Variants in KAZN observed in about 807,000 individuals in gnomAD.
KAZN encodes the protein kazrin, periplakin interacting protein.
A neutral mutation model predicts 87.4 loss-of-function variants in KAZN; 40 were observed. That is an observed-to-expected ratio of 0.46 (90% confidence interval 0.36 to 0.60). KAZN has a LOEUF of 0.60. Among genes scored for constraint, KAZN ranks in the 20% least tolerant of loss-of-function variants. The probability of loss-of-function intolerance (pLI) is 0.00; values close to 1 mark genes in which losing one functional copy is unlikely to be tolerated. For missense variants in KAZN, 898 were observed against 1,073.9 expected (o/e 0.84, Z 2.29); for synonymous variants, 466 against 458.3 (o/e 1.02, Z -0.22).
intron 1 of KAZN, among the ~76,000 whole-genome samples, chr1:14,024,231 C>A (rs930927941): frequency 2.6e-5 from 4 of 152,164 alleles, no homozygotes; most frequent in Non-Finnish European, 5.9e-5. Context: ...GGAGGCAACC[C>A]AAATGCCTGA....
intron 2 of KAZN, among the ~76,000 whole-genome samples, chr1:14,378,051 ATTTG>A (rs1187019016): frequency 6.6e-6 from 1 of 152,142 alleles, no homozygotes; most frequent in Non-Finnish European, 1.5e-5. Context: ...TTTTTCATGT[ATTTG>A]TTTATTAATT....
At chr1:14,540,962 T>A (rs1381731422) in intron 2 of KAZN, among the ~76,000 whole-genome samples, 1 of 152,158 alleles carries the variant, frequency 6.6e-6, no homozygotes, top group Non-Finnish European at 1.5e-5. Flanking sequence ...AATAATTAGA[T>A]GAACAAGGAC....
intron 1 of KAZN, among the ~76,000 whole-genome samples, chr1:13,907,629 G>A (rs1639495009): frequency 6.6e-6 from 1 of 152,152 alleles, no homozygotes; most frequent in Admixed American, 6.5e-5. Context: ...CCAGTCCCTG[G>A]AGCCACTGAT....
intron 1 of KAZN, among the ~76,000 whole-genome samples, chr1:14,751,500 A>G (rs1284027237): frequency 6.6e-6 from 1 of 152,218 alleles, no homozygotes; most frequent in East Asian, 1.9e-4. Flanking sequence ...ACACCCTGAC[A>G]AGGTAGGCAC....
At chr1:14,720,049 C>T (rs1425813247) in intron 1 of KAZN, among the ~76,000 whole-genome samples, 8 of 151,638 alleles carry the variant, frequency 5.3e-5, no homozygotes, top group Admixed American at 5.3e-4. Context: ...GTAGATGACA[C>T]AGCTAATGCT....
At chr1:15,079,903 G>C (rs1010110208) in intron 8 of KAZN, among the ~76,000 whole-genome samples, 1 of 152,230 alleles carries the variant, frequency 6.6e-6, no homozygotes, top group East Asian at 1.9e-4. Flanking sequence ...TTGATGTATA[G>C]ATATATATGT....
intron 2 of KAZN, among the ~76,000 whole-genome samples, chr1:14,239,765 G>C (rs1297084715): frequency 6.6e-6 from 1 of 151,952 alleles, no homozygotes; most frequent in Non-Finnish European, 1.5e-5. Context: ...CAGCAAGTTG[G>C]GGTTCTATAG....
chr1:14,342,991 A>G (rs950494964), intron 2 of KAZN, among the ~76,000 whole-genome samples: 1 of 152,098 alleles, frequency 6.6e-6, no homozygotes, highest in African/African-American at 2.4e-5. Flanking sequence ...AAATATAAAA[A>G]TTAGCCTGGC....
At chr1:14,907,520 G>T (rs549739963) in intron 1 of KAZN, among the ~76,000 whole-genome samples, 1 of 152,024 alleles carries the variant, frequency 6.6e-6, no homozygotes, top group African/African-American at 2.4e-5. Flanking sequence ...AGCTTGAGAC[G>T]CCTTCTGAAA....
rs544277366 is a variant in KAZN, at chr1:14,820,998, C to T, written c.227-139686C>T. 2.0e-5 allele frequency among the ~76,000 whole-genome samples: 3 copies of T among 152,002 alleles called. No homozygotes were observed. The highest frequency in any genetic ancestry group is 4.8e-5 in the African/African-American group (2 of 41,358). On this transcript the variant is annotated intron_variant, in intron 1 of 14. Coordinates refer to ENST00000376030, the MANE Select transcript of KAZN (RefSeq NM_201628.3). This position sits in a 1 kb window ranked among gnomAD's most constrained non-coding sequence, Gnocchi z 4.1. Reference sequence around the variant, plus strand: ...GATGGATTGTCGGGAGAAACGGGAGCGTGTGAGGAATTGAAAAGGAGGCAA... The same window carrying T: ...GATGGATTGTCGGGAGAAACGGGAGTGTGTGAGGAATTGAAAAGGAGGCAA...
chr1:13,971,514 T>A (rs1642135307), intron 1 of KAZN, among the ~76,000 whole-genome samples: 1 of 152,212 alleles, frequency 6.6e-6, no homozygotes, highest in Admixed American at 6.5e-5. Flanking sequence ...TCCAGCCATC[T>A]TCACGTGCCT....
At chr1:14,368,003 G>A (rs1448339735) in intron 2 of KAZN, among the ~76,000 whole-genome samples, 2 of 152,198 alleles carry the variant, frequency 1.3e-5, no homozygotes, top group African/African-American at 2.4e-5. Flanking sequence ...TGAAATCTAA[G>A]TTCACATCTT....
At chr1:14,115,581 T>C (rs1305385507) in intron 1 of KAZN, among the ~76,000 whole-genome samples, 1 of 149,832 alleles carries the variant, frequency 6.7e-6, no homozygotes, top group African/African-American at 2.5e-5. Flanking sequence ...ATTAAAACCT[T>C]TTACTTCCCA....
chr1:14,140,911 A>T (rs1645221558), intron 1 of KAZN, among the ~76,000 whole-genome samples: 1 of 152,154 alleles, frequency 6.6e-6, no homozygotes, highest in South Asian at 2.1e-4. Flanking sequence ...AGGAGAGATG[A>T]TGCTCACAGA....
chr1:14,569,255 T>C (rs946015572), intron 2 of KAZN, among the ~76,000 whole-genome samples: 4 of 151,934 alleles, frequency 2.6e-5, no homozygotes, highest in African/African-American at 9.7e-5. Flanking sequence ...CAAAAATGTC[T>C]TGATGCAAGT....
At chr1:14,721,138 A>G (rs1435867079) in intron 1 of KAZN, among the ~76,000 whole-genome samples, 2 of 152,192 alleles carry the variant, frequency 1.3e-5, no homozygotes, top group Non-Finnish European at 2.9e-5. Flanking sequence ...GTGGCTTGGC[A>G]GTGTCCCCAC....
chr1:15,061,039 C>T (rs186892356), intron 6 of KAZN: 4 of 152,340 alleles, frequency 2.6e-5, no homozygotes, highest in Admixed American at 2.6e-4. Context: ...TGAAGACAGA[C>T]ATCATAGGGT....
chr1:14,938,573 A>G (rs1427706748), intron 1 of KAZN, among the ~76,000 whole-genome samples: 1 of 150,386 alleles, frequency 6.6e-6, no homozygotes, highest in African/African-American at 2.5e-5. Flanking sequence ...TGCTGGAGTG[A>G]TATAAGACTC....
intron 2 of KAZN, among the ~76,000 whole-genome samples, chr1:14,579,426 C>G (rs1225984010): frequency 1.3e-5 from 2 of 151,966 alleles, no homozygotes; most frequent in Non-Finnish European, 2.9e-5. Flanking sequence ...GAGATTGAGA[C>G]CACCCTGGCT....
Sources: allele counts gnomAD v4.1 joint callset (sites outside exome capture counted in the v4.1 genomes callset), GRCh38; gene constraint gnomAD v4.1.1; non-coding constraint Gnocchi (gnomAD v3.1); transcripts MANE v1.5; gene names NCBI Gene and HGNC (gene_info 2026-07-23, HGNC 2026-07-21).